The following TNIK variants were observed in gnomAD, a reference collection of about 807,000 sequenced individuals.
TNIK encodes the protein TRAF2 and NCK interacting kinase.
In TNIK, 49 loss-of-function variants were observed where a neutral mutation model predicts 191.3. The ratio of observed to expected loss-of-function variants is 0.26; its 90% CI spans 0.20 to 0.32. The LOEUF is 0.32. TNIK is among the 10% of genes least tolerant of loss of function. The pLI is 1.00. For missense variants in TNIK, 1,155 were observed against 1,702.3 expected, an observed-to-expected ratio of 0.68 and a Z score of 5.66; for synonymous variants, 594 against 600.9, an observed-to-expected ratio of 0.99 and a Z score of 0.17.
chr3:171,293,160 A>G (rs535739667), intron 2 of TNIK, among the ~76,000 whole-genome samples: 10 of 152,332 alleles, frequency 6.6e-5, no homozygotes, highest in African/African-American at 2.4e-4. Flanking sequence ...TTATTCCAAC[A>G]CACTAGAGGA....
chr3:171,101,383 T>G, intron 22 of TNIK, 66 bp downstream of exon 22: 1 of 1,506,918 alleles, frequency 6.6e-7, no homozygotes, highest in Non-Finnish European at 8.9e-7. Flanking sequence ...AACTCATATT[T>G]TTTTGTCCTT....
intron 1 of TNIK, among the ~76,000 whole-genome samples, chr3:171,408,928 G>A (rs1722054629): frequency 6.6e-6 from 1 of 152,040 alleles, no homozygotes; most frequent in Non-Finnish European, 1.5e-5. Context: ...TGCACATCAG[G>A]GAATAAGAGT....
chr3:171,355,405 G>A (rs1028287235), intron 2 of TNIK, among the ~76,000 whole-genome samples: 12 of 152,052 alleles, frequency 7.9e-5, no homozygotes, highest in African/African-American at 2.7e-4. Context: ...GTACAAAATG[G>A]TAGAACAAAA....
chr3:171,148,180 G>A (rs1731898877), intron 12 of TNIK, among the ~76,000 whole-genome samples: 1 of 152,166 alleles, frequency 6.6e-6, no homozygotes, highest in Non-Finnish European at 1.5e-5. Flanking sequence ...TTTTCTTTGT[G>A]CTCACAGGCC....
In TNIK at chr3:171,108,110, C is replaced by A; in HGVS notation, c.2337G>T (p.Val779=). The change falls in exon 20 of 33, where the codon GTG becomes GTT. Residue 779 remains valine, a synonymous_variant. Coordinates refer to ENST00000436636, the MANE Select transcript of TNIK (RefSeq NM_015028.4). ...TAATGTCCCTGGATTCTTCTGGTTTCACCTTCGCAGGCTCATGGGGGAGCA... is the reference window on the plus strand; with the variant it reads ...TAATGTCCCTGGATTCTTCTGGTTTAACCTTCGCAGGCTCATGGGGGAGCA... ...SPVLPHEPAK[V]KPEESRDITR... 6.3e-7 allele frequency: 1 copy of A among 1,578,592 alleles called. No individual in the cohort carries two copies. Among genetic ancestry groups the A allele is most frequent in the Non-Finnish European group, 8.6e-7 (1 of 1,161,142 alleles).
At chr3:171,338,297 T>C (rs1051685230) in intron 2 of TNIK, among the ~76,000 whole-genome samples, 2 of 152,180 alleles carry the variant, frequency 1.3e-5, no homozygotes, top group Non-Finnish European at 2.9e-5. Flanking sequence ...TGTGTATATA[T>C]GAAATCCCAC....
chr3:171,108,012 T>A, intron 20 of TNIK, 53 bp downstream of exon 20: 1 of 1,534,536 alleles, frequency 6.5e-7, no homozygotes, highest in East Asian at 2.5e-5. Flanking sequence ...CTTAATCCTG[T>A]GGGTTCTCTG....
Position 171,208,352 on chromosome 3 carries a change from G to GA in TNIK, c.306+2763dup, listed in dbSNP as rs369720419. Among the ~76,000 whole-genome samples the GA allele has an allele frequency of 2.9e-3, 431 of 149,182 alleles. 2 individuals carry two copies. The highest frequency in any genetic ancestry group is 9.4e-3 in the African/African-American group (382 of 40,692). Reference sequence around the variant, plus strand: ...AAATGTACTGAAGAGAAAGATTAGAGAAAAAAAAAGCAGATGTAAAAAAGA... The same window carrying GA: ...AAATGTACTGAAGAGAAAGATTAGAGAAAAAAAAAAGCAGATGTAAAAAAGA... On this transcript the variant is annotated intron_variant, in intron 4 of 32. Transcript: ENST00000436636.
intron 2 of TNIK, among the ~76,000 whole-genome samples, chr3:171,229,000 A>G (rs1182170622): frequency 6.6e-6 from 1 of 152,176 alleles, no homozygotes; most frequent in Non-Finnish European, 1.5e-5. Flanking sequence ...TCCAAAATAC[A>G]TTTTACTTAT....
chr3:171,133,281 A>C (rs1355790813), intron 15 of TNIK, among the ~76,000 whole-genome samples: 1 of 152,184 alleles, frequency 6.6e-6, no homozygotes, highest in Non-Finnish European at 1.5e-5. Flanking sequence ...AAAATCTTAG[A>C]AAGTTGATAT....
Position 171,274,029 on chromosome 3 carries a change from C to A in TNIK, c.124-45808G>T, listed in dbSNP as rs113619912. On this transcript the variant is annotated intron_variant, in intron 2 of 32. Coordinates refer to ENST00000436636, the MANE Select transcript of TNIK (RefSeq NM_015028.4). ...AATATAGACATATATCCACAAGGAGCAATATGAAATTGGAGTGAGAAAGTG... is the reference window on the plus strand; with the variant it reads ...AATATAGACATATATCCACAAGGAGAAATATGAAATTGGAGTGAGAAAGTG... Among the ~76,000 whole-genome samples the A allele has an allele frequency of 3.1e-3, 478 of 152,304 alleles. 1 individual carries two copies. Among genetic ancestry groups the A allele is most frequent in the Non-Finnish European group, 5.4e-3 (364 of 68,036 alleles).
At chr3:171,244,995 A>G (rs1013752168) in intron 2 of TNIK, among the ~76,000 whole-genome samples, 5 of 152,184 alleles carry the variant, frequency 3.3e-5, no homozygotes, top group African/African-American at 1.2e-4. Flanking sequence ...GCATTTAACT[A>G]TACCAATAAT....
rs1403005533 is a variant in TNIK, at chr3:171,064,129, G to A, written c.4000-165C>T. 4 of 611,084 alleles carry A rather than the reference G, an allele frequency of 6.5e-6. No homozygotes were observed. In the African/African-American group the frequency reaches 7.5e-5, roughly 12 times the overall value. The allele number at this position is 611,084 out of a possible 1,614,324, so 37.9% of individuals were successfully genotyped here. ...TCCCTTTGGATATCGTGCATCCTAT[G>A]TAAAAACTCCTGCCTTTATTCCTAG... On this transcript the variant is annotated intron_variant, in intron 32 of 32. Coordinates refer to ENST00000436636, the MANE Select transcript of TNIK (RefSeq NM_015028.4).
chr3:171,458,165 C>A (rs929757058), intron 1 of TNIK, among the ~76,000 whole-genome samples: 39 of 140,198 alleles, frequency 2.8e-4, no homozygotes, highest in Middle Eastern at 3.5e-3. Context: ...CCACCCCGAC[C>A]TCCGACCGAT....
intron 11 of TNIK, among the ~76,000 whole-genome samples, chr3:171,158,011 C>G (rs938934294): frequency 2.6e-5 from 4 of 152,170 alleles, no homozygotes; most frequent in African/African-American, 9.7e-5. Context: ...GTGTGCAAGC[C>G]ATGAGCCCCA....
At chr3:171,109,022 C>T (rs746144161) in intron 19 of TNIK, among the ~76,000 whole-genome samples, 6 of 151,998 alleles carry the variant, frequency 3.9e-5, no homozygotes, top group South Asian at 2.1e-4. Flanking sequence ...TCCGGAAGAA[C>T]GAGGGGCTGA....
Position 171,063,748 on chromosome 3 carries a change from G to C in TNIK, c.*133C>G. On this transcript the variant is annotated 3_prime_UTR_variant, in exon 33 of 33. Transcript: ENST00000436636. The stretch of plus-strand genomic sequence containing the variant: ...TGGACTGTACTGGGAGGGGCGGAGG[G>C]AGAGGAAAAAGGGAAAGCGATATGT... The C allele has an allele frequency of 1.2e-6, 1 of 811,496 alleles. No homozygotes were observed. Among genetic ancestry groups the C allele is most frequent in the Non-Finnish European group, 1.9e-6 (1 of 515,690 alleles). 50.3% of individuals were successfully genotyped at this position (811,496 alleles called of 1,614,324 possible).
At chr3:171,229,618 T>C (rs560454451) in intron 2 of TNIK, among the ~76,000 whole-genome samples, 33 of 152,326 alleles carry the variant, frequency 2.2e-4, no homozygotes, top group African/African-American at 7.9e-4. Flanking sequence ...CTTTTCTCCC[T>C]TACTAACCTA....
chr3:171,430,203 TG>T (rs1194253802), intron 1 of TNIK, among the ~76,000 whole-genome samples: 1 of 152,184 alleles, frequency 6.6e-6, no homozygotes, highest in African/African-American at 2.4e-5. Flanking sequence ...TCAAGAAACT[TG>T]AGTTTTGCAA....
Sources: gnomAD v4.1 joint callset for allele counts (sites outside exome capture counted in the v4.1 genomes callset) on GRCh38, gnomAD v4.1.1 for gene constraint, MANE v1.5 for transcripts, NCBI Gene and HGNC (gene_info 2026-07-23, HGNC 2026-07-21) for gene names.